Variants in LARGE1 observed in about 807,000 individuals in gnomAD.
LARGE1 encodes xylosyl- and glucuronyltransferase LARGE1.
In LARGE1, 43 loss-of-function variants were observed where a neutral mutation model predicts 87.6. The ratio of observed to expected loss-of-function variants is 0.49; its 90% CI spans 0.38 to 0.63. The LOEUF is 0.63. Among genes scored for constraint, LARGE1 ranks in the 30% least tolerant of loss-of-function variants. The probability of loss-of-function intolerance (pLI) is 0.00; values close to 1 mark genes in which losing one functional copy is unlikely to be tolerated. For missense variants in LARGE1, 802 were observed against 1,000.2 expected, an observed-to-expected ratio of 0.80 and a Z score of 2.67; for synonymous variants, 434 against 394.6, an observed-to-expected ratio of 1.10 and a Z score of -1.18.
At chr22:33,842,542 C>A (rs946367542) in intron 1 of LARGE1, among the ~76,000 whole-genome samples, 2 of 152,166 alleles carry the variant, frequency 1.3e-5, no homozygotes, top group African/African-American at 2.4e-5. Context: ...TGGCCCTGAG[C>A]AGCCAGTACA....
chr22:33,363,057 A>G (rs1183410618), intron 9 of LARGE1, among the ~76,000 whole-genome samples: 1 of 150,220 alleles, frequency 6.7e-6, no homozygotes, highest in Non-Finnish European at 1.5e-5. Flanking sequence ...GACATTTTCA[A>G]TCATCTGACC....
At chr22:33,657,386 A>G (rs2080994918) in intron 2 of LARGE1, among the ~76,000 whole-genome samples, 1 of 152,144 alleles carries the variant, frequency 6.6e-6, no homozygotes, top group Non-Finnish European at 1.5e-5. Context: ...ATCTCATCCG[A>G]AGCCAAGCCT....
chr22:33,091,329 G>A, the LARGE1 span, among the ~76,000 whole-genome samples: 2 of 152,262 alleles, frequency 1.3e-5, no homozygotes, highest in Admixed American at 6.5e-5. Flanking sequence ...GGGAGGCCGA[G>A]GTGGGTGGAT....
chr22:33,293,924 T>C (rs1932910728), intron 12 of LARGE1, among the ~76,000 whole-genome samples: 1 of 152,196 alleles, frequency 6.6e-6, no homozygotes, highest in South Asian at 2.1e-4. Context: ...GTCTAACAGA[T>C]TTATCCATTC....
chr22:33,392,386 C>T lies in LARGE1; in HGVS notation c.893-8082G>A, dbSNP rs546126117. Among the ~76,000 whole-genome samples the T allele has an allele frequency of 3.9e-5, 6 of 152,172 alleles. No homozygotes were observed. In the South Asian group the frequency reaches 8.3e-4, roughly 21 times the overall value. On this transcript the variant is annotated intron_variant, in intron 7 of 14. Transcript: ENST00000397394. Reference sequence around the variant, plus strand: ...CAAAAAAGAAAATGGGGGCCAGGTGCGGTGGCTCACGCCTGTGATCCCAGC... The same window carrying T: ...CAAAAAAGAAAATGGGGGCCAGGTGTGGTGGCTCACGCCTGTGATCCCAGC...
intron 10 of LARGE1, among the ~76,000 whole-genome samples, chr22:33,334,409 C>T (rs1000507494): frequency 7.7e-5 from 3 of 39,046 alleles, no homozygotes; most frequent in Non-Finnish European, 1.3e-4. Context: ...GACTCTGTCT[C>T]AAAAAAAAAA....
At chr22:33,878,361 C>T (rs1023356811) in intron 1 of LARGE1, among the ~76,000 whole-genome samples, 2 of 151,716 alleles carry the variant, frequency 1.3e-5, no homozygotes, top group African/African-American at 2.4e-5. Context: ...AAACTCCTGA[C>T]CTTGTGATCC....
At chr22:33,909,238 T>C (rs2065550410) in intron 1 of LARGE1, among the ~76,000 whole-genome samples, 1 of 152,136 alleles carries the variant, frequency 6.6e-6, no homozygotes, top group Non-Finnish European at 1.5e-5. Context: ...CAAGCAAATG[T>C]TTGTGAGCCA....
the LARGE1 span, among the ~76,000 whole-genome samples, chr22:33,079,598 A>C: frequency 3.3e-5 from 5 of 152,096 alleles, no homozygotes; most frequent in African/African-American, 9.7e-5. Flanking sequence ...CTGCTATGTT[A>C]CTGATAAGAT....
intron 11 of LARGE1, among the ~76,000 whole-genome samples, chr22:33,231,165 C>T (rs982638453): frequency 2.0e-5 from 3 of 152,220 alleles, no homozygotes; most frequent in African/African-American, 7.2e-5. Flanking sequence ...TGCTAAACCA[C>T]TGTTGACAAA....
chr22:33,522,660 A>C (rs147350973), intron 6 of LARGE1, among the ~76,000 whole-genome samples: 10 of 151,928 alleles, frequency 6.6e-5, no homozygotes, highest in Non-Finnish European at 1.0e-4. Context: ...GTGAAACCCC[A>C]TCTGTACTAA....
At chr22:33,892,443 C>G (rs1009809477) in intron 1 of LARGE1, among the ~76,000 whole-genome samples, 2 of 152,176 alleles carry the variant, frequency 1.3e-5, no homozygotes, top group Non-Finnish European at 2.9e-5. Context: ...CCATCCCCTC[C>G]ACCTCATACT....
At chr22:33,624,552 C>T (rs551390428) in intron 4 of LARGE1, among the ~76,000 whole-genome samples, 1 of 152,134 alleles carries the variant, frequency 6.6e-6, no homozygotes, top group Non-Finnish European at 1.5e-5. Context: ...AGCAGCATAA[C>T]CAGACACAAC....
intron 3 of LARGE1, among the ~76,000 whole-genome samples, chr22:33,631,298 G>A (rs2080104907): frequency 6.6e-6 from 1 of 152,138 alleles, no homozygotes; most frequent in African/African-American, 2.4e-5. Context: ...TTCCAGAGTA[G>A]CTGGGACTAT....
chr22:33,543,172 G>C (rs2077259225), intron 6 of LARGE1, among the ~76,000 whole-genome samples: 2 of 151,340 alleles, frequency 1.3e-5, no homozygotes, highest in Non-Finnish European at 2.9e-5. Context: ...CACCTAATTG[G>C]CTTGAATGGT....
At chr22:33,918,567 A>C (rs552445813) in intron 1 of LARGE1, among the ~76,000 whole-genome samples, 2 of 151,868 alleles carry the variant, frequency 1.3e-5, no homozygotes, top group African/African-American at 2.4e-5. Flanking sequence ...TGGCGTTTTT[A>C]TTTCTTTTAT....
chr22:33,797,072 G>C (rs914474794), intron 1 of LARGE1, among the ~76,000 whole-genome samples: 2 of 152,090 alleles, frequency 1.3e-5, no homozygotes, highest in Non-Finnish European at 2.9e-5. Context: ...CCAGACTTGG[G>C]CTCTTCTAAA....
At chr22:33,824,411 T>G (rs2062722985) in intron 1 of LARGE1, among the ~76,000 whole-genome samples, 1 of 152,132 alleles carries the variant, frequency 6.6e-6, no homozygotes, top group Non-Finnish European at 1.5e-5. Context: ...CTATACACTT[T>G]TAAACAATCA....
intron 3 of LARGE1, among the ~76,000 whole-genome samples, chr22:33,635,968 TG>T (rs2080254974): frequency 6.6e-6 from 1 of 152,122 alleles, no homozygotes; most frequent in Non-Finnish European, 1.5e-5. Context: ...TGTGACCACA[TG>T]GGTTCCAGGG....
Sources: allele counts gnomAD v4.1 joint callset (sites outside exome capture counted in the v4.1 genomes callset), GRCh38; gene constraint gnomAD v4.1.1; transcripts MANE v1.5; gene names NCBI Gene and HGNC (gene_info 2026-07-23, HGNC 2026-07-21).